The following TNFAIP8L3 variants were observed in gnomAD, a reference collection of about 807,000 sequenced individuals.
TNFAIP8L3 encodes tumor necrosis factor alpha-induced protein 8-like protein 3.
A neutral mutation model predicts 11.8 loss-of-function variants in TNFAIP8L3; 7 were observed. The observed-to-expected ratio is 0.59, with a 90% CI of 0.34 to 1.11. TNFAIP8L3 has a LOEUF of 1.11. Among genes scored for constraint, TNFAIP8L3 ranks in the 50% most tolerant of loss-of-function variants. The probability of loss-of-function intolerance (pLI) is 0.03; values close to 1 mark genes in which losing one functional copy is unlikely to be tolerated. For synonymous variants in TNFAIP8L3, 98 were observed against 103.8 expected, an observed-to-expected ratio of 0.94 and a Z score of 0.34; for missense variants, 219 against 258.6, an observed-to-expected ratio of 0.85 and a Z score of 1.05.
intron 1 of TNFAIP8L3, among the ~76,000 whole-genome samples, chr15:51,092,114 A>G (rs2065475589): frequency 6.6e-6 from 1 of 152,216 alleles, no homozygotes; most frequent in African/African-American, 2.4e-5. Flanking sequence ...TTTTACACTT[A>G]CAATGTCCAT....
At chr15:51,093,420 G>A (rs1327669513) in intron 1 of TNFAIP8L3, among the ~76,000 whole-genome samples, 2 of 152,218 alleles carry the variant, frequency 1.3e-5, no homozygotes, top group African/African-American at 4.8e-5. Flanking sequence ...CTGGCCAGGG[G>A]CTGTGAGGAT....
intron 1 of TNFAIP8L3, among the ~76,000 whole-genome samples, chr15:51,103,175 T>C (rs1182740684): frequency 6.6e-6 from 1 of 152,236 alleles, no homozygotes; most frequent in African/African-American, 2.4e-5. Flanking sequence ...GCAATCTGCC[T>C]GGTTGAAGCT....
At chr15:51,059,597 A>G (rs988155424) in intron 1 of TNFAIP8L3, among the ~76,000 whole-genome samples, 1 of 152,270 alleles carries the variant, frequency 6.6e-6, no homozygotes, top group Admixed American at 6.5e-5. Context: ...GCCCAAGGAC[A>G]GAGGCAATGT....
upstream of TNFAIP8L3, among the ~76,000 whole-genome samples, chr15:51,098,722 C>T (rs1236701125): frequency 6.6e-6 from 1 of 152,150 alleles, no homozygotes; most frequent in African/African-American, 2.4e-5. Context: ...TCACGGTTAA[C>T]ATATCTTTTG....
chr15:51,104,449 A>G (rs760550109), intron 1 of TNFAIP8L3, among the ~76,000 whole-genome samples: 50 of 152,188 alleles, frequency 3.3e-4, no homozygotes, highest in Non-Finnish European at 6.8e-4. Flanking sequence ...AACTACCCAG[A>G]GTCCACGCAG....
At chr15:51,097,723 C>G (rs1268060698), upstream of TNFAIP8L3, among the ~76,000 whole-genome samples, 1 of 152,136 alleles carries the variant, frequency 6.6e-6, no homozygotes, top group African/African-American at 2.4e-5. Flanking sequence ...TATCTCTCCT[C>G]CCAGTATGGA....
At chr15:51,066,164 CT>C (rs66617524) in intron 1 of TNFAIP8L3, among the ~76,000 whole-genome samples, 97,534 of 125,026 alleles carry the variant, frequency 0.78, 37,490 homozygotes, top group East Asian at 0.96. Context: ...ACTTTCTTTC[CT>C]TTTTTTTTTT....
Position 51,082,853 on chromosome 15 carries a change from A to G in TNFAIP8L3, c.52+11691T>C, listed in dbSNP as rs1178939634. On this transcript the variant is annotated intron_variant, in intron 1 of 1. Coordinates refer to ENST00000637513, the MANE Select transcript of TNFAIP8L3 (RefSeq NM_001311175.2). The stretch of plus-strand genomic sequence containing the variant: ...TCAGGTGCAAGGAATTTTTAGCTCC[A>G]TTGTAAGCCTAGGGACTACTATCAC... Among the ~76,000 whole-genome samples the G allele has an allele frequency of 3.1e-4, 47 of 152,246 alleles. 1 individual carries two copies. The highest frequency in any genetic ancestry group is 3.0e-3 in the Admixed American group (46 of 15,282).
chr15:51,079,843 A>G (rs2065378825), intron 1 of TNFAIP8L3, among the ~76,000 whole-genome samples: 1 of 139,062 alleles, frequency 7.2e-6, no homozygotes, highest in Non-Finnish European at 1.5e-5. Context: ...GTGACAGAGC[A>G]AGACTTTGTC....
Position 51,094,777 on chromosome 15 carries a change from G to A in TNFAIP8L3, c.-182C>T, listed in dbSNP as rs1411463212. On this transcript the variant is annotated 5_prime_UTR_variant, in exon 1 of 2. Transcript: ENST00000637513. This position sits in a 1 kb window ranked among gnomAD's most constrained non-coding sequence, Gnocchi z 4.4. ...GCTCCGCAGAGGCGAGCGCCGCCGC[G>A]CCCCGCTCCCCGCGCCCGCCGGCCG... 2 of 867,334 alleles carry A rather than the reference G, an allele frequency of 2.3e-6. No homozygotes were observed. The highest frequency in any genetic ancestry group is 1.2e-4 in the East Asian group (1 of 8,212). 53.7% of individuals were successfully genotyped at this position (867,334 alleles called of 1,614,324 possible). A position where few individuals can be genotyped will look rare whatever the true frequency, so the allele number is the denominator to read the frequency against.
At chr15:51,073,914 C>T (rs184327566) in intron 1 of TNFAIP8L3, among the ~76,000 whole-genome samples, 1 of 152,180 alleles carries the variant, frequency 6.6e-6, no homozygotes, top group Non-Finnish European at 1.5e-5. Context: ...TCTTTGTATC[C>T]ACTGAGATGA....
At chr15:51,075,494 C>T (rs1280367845) in intron 1 of TNFAIP8L3, among the ~76,000 whole-genome samples, 1 of 152,160 alleles carries the variant, frequency 6.6e-6, no homozygotes, top group East Asian at 1.9e-4. Flanking sequence ...GCACAGTCCA[C>T]GTTCTGTCTC....
At position 51,094,483 on chromosome 15, in the gene TNFAIP8L3, C is replaced by A; in HGVS notation, c.52+61G>T. 7.1e-7 allele frequency: 1 copy of A among 1,401,858 alleles called. No homozygotes were observed. The highest frequency in any genetic ancestry group is 2.9e-5 in the Admixed American group (1 of 34,816). The allele number at this position is 1,401,858 out of a possible 1,614,324, so 86.8% of individuals were successfully genotyped here. On this transcript the variant is annotated intron_variant, in intron 1 of 1. Coordinates refer to ENST00000637513, the MANE Select transcript of TNFAIP8L3 (RefSeq NM_001311175.2). The surrounding 1 kb of genome is among the most constrained non-coding windows in gnomAD (Gnocchi z 4.4). ...AGGATCGGCTTCCCGATTTCATGCC[C>A]CAGCCTCCCGTCCTCCCCAGCCCCA...
chr15:51,073,864 T>G (rs2065330717), intron 1 of TNFAIP8L3, among the ~76,000 whole-genome samples: 1 of 152,246 alleles, frequency 6.6e-6, no homozygotes, highest in Admixed American at 6.5e-5. Context: ...AGGCATTGTT[T>G]GCTTTTAAGT....
In TNFAIP8L3 at chr15:51,105,095, CGTTGACCCACA is replaced by C; in HGVS notation, c.71_81del (p.Leu24ArgfsTer81). 6.2e-7 allele frequency: 1 copy of C among 1,614,212 alleles called. No individual in the cohort carries two copies. Among genetic ancestry groups the C allele is most frequent in the East Asian group, 2.2e-5 (1 of 44,888 alleles). On this transcript the variant is annotated frameshift_variant, in exon 1 of 3. Coordinates refer to the TNFAIP8L3 transcript ENST00000327536. LOFTEE classifies it high-confidence loss of function. ...CTTGTGCCTTGGGTCCCTGCATATC[CGTTGACCCACA>C]GTTTCCCCTTTGGCTCTGCCTCACA...
chr15:51,059,331 A>T (rs1356620884), intron 1 of TNFAIP8L3, among the ~76,000 whole-genome samples: 1 of 152,254 alleles, frequency 6.6e-6, no homozygotes, highest in Admixed American at 6.5e-5. Context: ...TATGCAAAGA[A>T]GTCTAAAAAG....
chr15:51,102,487 A>G (rs889346823), intron 1 of TNFAIP8L3, among the ~76,000 whole-genome samples: 2 of 152,196 alleles, frequency 1.3e-5, no homozygotes, highest in African/African-American at 4.8e-5. Context: ...TTCTACTTAG[A>G]AAAGCTAAAT....
intron 1 of TNFAIP8L3, among the ~76,000 whole-genome samples, chr15:51,077,725 T>G (rs531972749): frequency 1.4e-4 from 21 of 152,210 alleles, no homozygotes; most frequent in African/African-American, 5.1e-4. Context: ...CCCCGACAGC[T>G]TCTCGCTTAA....
At chr15:51,059,481 A>G (rs2065228868) in intron 1 of TNFAIP8L3, among the ~76,000 whole-genome samples, 1 of 152,206 alleles carries the variant, frequency 6.6e-6, no homozygotes, top group East Asian at 1.9e-4. Context: ...ATACTCTACA[A>G]GGCCACCAAT....
Sources: gnomAD v4.1 joint callset for allele counts (sites outside exome capture counted in the v4.1 genomes callset) on GRCh38, gnomAD v4.1.1 for gene constraint, Gnocchi (gnomAD v3.1) non-coding constraint, MANE v1.5 for transcripts, NCBI Gene and HGNC (gene_info 2026-07-23, HGNC 2026-07-21) for gene names.